The following DAB1 variants were observed in gnomAD, a reference collection of about 807,000 sequenced individuals.
The protein encoded by DAB1 is DAB adaptor protein 1.
Under a neutral mutation model 64.6 loss-of-function variants are expected in DAB1, and 15 were observed. The observed-to-expected ratio is 0.23, with a 90% CI of 0.16 to 0.36. DAB1 has a LOEUF of 0.36. Among genes scored for constraint, DAB1 ranks in the 10% least tolerant of loss-of-function variants. DAB1 has a pLI of 1.00. For synonymous variants in DAB1, 235 were observed against 251.9 expected, an observed-to-expected ratio of 0.93 and a Z score of 0.64; for missense variants, 596 against 706.7, an observed-to-expected ratio of 0.84 and a Z score of 1.78.
At position 57,946,707 on chromosome 1, in the gene DAB1, C is replaced by T. The variant is rs537931523; in HGVS notation, n.388-62545G>A. ...GCCACCTGTCTCAGGATTCTGGTAA[C>T]GGCCCCTCTTCTTACCCTTTCAGAC... On this transcript the variant is annotated intron_variant and non_coding_transcript_variant, in intron 5 of 20. Transcript: ENST00000485760. Among the ~76,000 whole-genome samples the T allele has an allele frequency of 1.8e-4, 27 of 152,334 alleles. 1 individual carries two copies. The highest frequency in any genetic ancestry group is 3.3e-4 in the Admixed American group (5 of 15,302).
At chr1:57,237,981 C>G (rs375491938) in intron 2 of DAB1, among the ~76,000 whole-genome samples, 7 of 152,014 alleles carry the variant, frequency 4.6e-5, no homozygotes, top group African/African-American at 1.7e-4. Flanking sequence ...AGATGGGGAA[C>G]CAAGCAGCAG....
chr1:57,787,949 A>G (rs1204834218), intron 6 of DAB1, among the ~76,000 whole-genome samples: 1 of 151,670 alleles, frequency 6.6e-6, no homozygotes, highest in Non-Finnish European at 1.5e-5. Flanking sequence ...AAAAATGAAG[A>G]CATAATTAAA....
At chr1:57,123,849 A>T (rs1466084344) in intron 4 of DAB1, among the ~76,000 whole-genome samples, 1 of 152,222 alleles carries the variant, frequency 6.6e-6, no homozygotes, top group East Asian at 1.9e-4. Context: ...TTATGTAAAC[A>T]AGAATGGTGA....
intron 5 of DAB1, among the ~76,000 whole-genome samples, chr1:57,945,505 C>A (rs1261134099): frequency 7.9e-5 from 12 of 151,696 alleles, no homozygotes; most frequent in Non-Finnish European, 1.6e-4. Flanking sequence ...GTCTCAAATT[C>A]ATGGCTTCAA....
At chr1:58,123,609 C>T (rs1317150963) in intron 5 of DAB1, among the ~76,000 whole-genome samples, 1 of 152,168 alleles carries the variant, frequency 6.6e-6, no homozygotes, top group Non-Finnish European at 1.5e-5. Flanking sequence ...CCCCTTTGTT[C>T]TGTGAAATCA....
intron 1 of DAB1, among the ~76,000 whole-genome samples, chr1:57,391,497 C>T: frequency 6.6e-6 from 1 of 152,244 alleles, no homozygotes; most frequent in African/African-American, 2.4e-5. Context: ...CTAAAAACAT[C>T]AACTAATTAA....
chr1:58,204,176 G>A (rs1451786448), intron 4 of DAB1, among the ~76,000 whole-genome samples: 2 of 152,152 alleles, frequency 1.3e-5, no homozygotes, highest in Non-Finnish European at 2.9e-5. Context: ...ACCTGAAACC[G>A]AGTCATGAGA....
chr1:58,137,058 AGT>A (rs992452348), intron 5 of DAB1, among the ~76,000 whole-genome samples: 2 of 152,094 alleles, frequency 1.3e-5, no homozygotes, highest in African/African-American at 4.8e-5. Flanking sequence ...TGAGTCAGGA[AGT>A]GTGTGTGTTT....
chr1:57,448,170 A>C (rs780631189), intron 7 of DAB1, among the ~76,000 whole-genome samples: 7 of 152,224 alleles, frequency 4.6e-5, no homozygotes, highest in Admixed American at 2.6e-4. Context: ...AATCTTGACA[A>C]ATCCTAAATT....
intron 7 of DAB1, among the ~76,000 whole-genome samples, chr1:57,464,077 T>G (rs1207967509): frequency 6.6e-6 from 1 of 152,170 alleles, no homozygotes; most frequent in Non-Finnish European, 1.5e-5. Flanking sequence ...GAATAAATAC[T>G]TTCTAACATT....
At chr1:58,105,633 C>A (rs1349343320) in intron 5 of DAB1, among the ~76,000 whole-genome samples, 1 of 152,198 alleles carries the variant, frequency 6.6e-6, no homozygotes, top group African/African-American at 2.4e-5. Context: ...CCTGCTTCAA[C>A]CCACTGGGAA....
At chr1:58,536,924 T>C (rs187815499) in intron 1 of DAB1, among the ~76,000 whole-genome samples, 268 of 152,330 alleles carry the variant, frequency 1.8e-3, no homozygotes, top group African/African-American at 6.2e-3. Flanking sequence ...TAATCAATGA[T>C]GTAAAGTTAC....
intron 7 of DAB1, among the ~76,000 whole-genome samples, chr1:57,437,807 T>C (rs750792552): frequency 3.9e-5 from 6 of 152,204 alleles, no homozygotes; most frequent in Non-Finnish European, 7.3e-5. Flanking sequence ...TGTCTCTCTA[T>C]CCATGCCCCC....
intron 7 of DAB1, among the ~76,000 whole-genome samples, chr1:57,584,411 T>C (rs539607426): frequency 6.6e-6 from 1 of 152,348 alleles, no homozygotes; most frequent in Admixed American, 6.5e-5. Context: ...CCTTAAGCTC[T>C]GTACAGTGTC....
chr1:57,150,858 A>G (rs1054832142), intron 2 of DAB1, among the ~76,000 whole-genome samples: 2 of 152,284 alleles, frequency 1.3e-5, no homozygotes, highest in African/African-American at 4.8e-5. Flanking sequence ...GGAATTTTTT[A>G]AAAACACCAC....
chr1:57,370,298 A>G (rs71642117), intron 1 of DAB1, among the ~76,000 whole-genome samples: 3,943 of 152,302 alleles, frequency 0.026, 74 homozygotes, highest in African/African-American at 0.043. Flanking sequence ...AGATAATAAG[A>G]AAGTTGCATG....
chr1:58,486,864 G>A (rs1645583826), intron 3 of DAB1, among the ~76,000 whole-genome samples: 1 of 152,190 alleles, frequency 6.6e-6, no homozygotes, highest in African/African-American at 2.4e-5. Context: ...GACATACCCT[G>A]GTCTTGTATG....
chr1:58,423,502 C>T (rs1644792433), intron 3 of DAB1, among the ~76,000 whole-genome samples: 1 of 152,214 alleles, frequency 6.6e-6, no homozygotes, highest in South Asian at 2.1e-4. Flanking sequence ...CCTCCACTTG[C>T]CAACCGCACC....
intron 4 of DAB1, among the ~76,000 whole-genome samples, chr1:58,268,432 C>T (rs370360202): frequency 3.3e-5 from 5 of 152,182 alleles, no homozygotes; most frequent in African/African-American, 1.2e-4. Flanking sequence ...GAAACTTGGG[C>T]AGTTAAGTGA....
Sources: gnomAD v4.1 joint callset for allele counts (sites outside exome capture counted in the v4.1 genomes callset) on GRCh38, gnomAD v4.1.1 for gene constraint, MANE v1.5 for transcripts, NCBI Gene and HGNC (gene_info 2026-07-23, HGNC 2026-07-21) for gene names.